Variants in PLCB1 observed in about 807,000 individuals in gnomAD.
PLCB1 encodes the protein phospholipase C beta 1.
PLCB1 carries 46 observed loss-of-function variants against 161.8 expected under a neutral mutation model. The observed-to-expected ratio is 0.28, with a 90% CI of 0.22 to 0.36. The LOEUF (loss-of-function observed/expected upper bound fraction) is 0.36, where lower values mean the gene tolerates loss of function less well. Ranked by LOEUF, PLCB1 falls within the 10% of genes least tolerant of loss-of-function variation. The probability of loss-of-function intolerance (pLI) is 1.00; values close to 1 mark genes in which losing one functional copy is unlikely to be tolerated. For synonymous variants in PLCB1, 517 were observed against 503.7 expected (o/e 1.03, Z -0.35); for missense variants, 1,016 against 1,472.5 (o/e 0.69, Z 5.07).
At position 8,741,450 on chromosome 20, in the gene PLCB1, T is replaced by G. The variant is rs755970261; in HGVS notation, c.2414-14T>G. The G allele has an allele frequency of 1.1e-4, 167 of 1,556,554 alleles. 2 individuals carry two copies. The South Asian group carries it at 1.8e-3, about 17-fold the overall frequency. ...TCCAGGACCTTTGATCTAAAATATC[T>G]CTTCCCTATTTAGATGTCATCGAAG... On this transcript the variant is annotated splice_polypyrimidine_tract_variant and intron_variant, in intron 22 of 31. Coordinates refer to ENST00000338037, the MANE Select transcript of PLCB1 (RefSeq NM_015192.4).
At chr20:8,411,749 C>T (rs979006627) in intron 3 of PLCB1, among the ~76,000 whole-genome samples, 3 of 152,134 alleles carry the variant, frequency 2.0e-5, no homozygotes, top group African/African-American at 7.2e-5. Context: ...CCTGGCCGGG[C>T]ACGGTGGCTC....
At chr20:8,268,595 T>C (rs1982105487) in intron 2 of PLCB1, among the ~76,000 whole-genome samples, 1 of 152,202 alleles carries the variant, frequency 6.6e-6, no homozygotes, top group African/African-American at 2.4e-5. Flanking sequence ...AGTGTAAAAG[T>C]GTTCCTATTT....
chr20:8,371,698 G>A (rs191818678), intron 3 of PLCB1: 166 of 381,110 alleles, frequency 4.4e-4, no homozygotes, highest in African/African-American at 2.9e-3. Flanking sequence ...AAAAGACAAC[G>A]ACAACAATGC....
intron 2 of PLCB1, among the ~76,000 whole-genome samples, chr20:8,273,581 G>A (rs1485000938): frequency 1.3e-5 from 2 of 152,098 alleles, no homozygotes; most frequent in African/African-American, 4.8e-5. Context: ...AATTTCATAA[G>A]CAGGAAACCT....
At chr20:8,717,923 G>T in intron 14 of PLCB1, 75 bp downstream of exon 14, 7 of 1,308,198 alleles carry the variant, frequency 5.4e-6, no homozygotes, top group Non-Finnish European at 7.2e-6. Flanking sequence ...GTGCGTGGTG[G>T]CTCATGCCTG....
intron 3 of PLCB1, among the ~76,000 whole-genome samples, chr20:8,590,458 T>TTTG (rs1317782928): frequency 6.6e-6 from 1 of 152,112 alleles, no homozygotes; most frequent in Non-Finnish European, 1.5e-5. Context: ...GTAGTTTTTT[T>TTTG]TTGTTGTTGT....
At chr20:8,840,032 G>GA (rs35917261) in intron 31 of PLCB1, among the ~76,000 whole-genome samples, 122 of 135,750 alleles carry the variant, frequency 9.0e-4, no homozygotes, top group Middle Eastern at 3.9e-3. Flanking sequence ...CTCTGTCTCA[G>GA]AAAAAAAAAA....
chr20:8,727,902 A>T (rs1323338696), intron 17 of PLCB1, among the ~76,000 whole-genome samples: 26 of 152,196 alleles, frequency 1.7e-4, no homozygotes. Flanking sequence ...GGATTTATTG[A>T]TATTACTGAC....
At chr20:8,815,265 C>A (rs1270459382) in intron 31 of PLCB1, among the ~76,000 whole-genome samples, 1 of 152,158 alleles carries the variant, frequency 6.6e-6, no homozygotes, top group Non-Finnish European at 1.5e-5. Context: ...GCTTTAATTA[C>A]CTCCAGTGTC....
intron 31 of PLCB1, among the ~76,000 whole-genome samples, chr20:8,811,499 C>T (rs1418948621): frequency 6.6e-6 from 1 of 152,114 alleles, no homozygotes; most frequent in Non-Finnish European, 1.5e-5. Flanking sequence ...CAGATCAACC[C>T]CATTGCCAAG....
At chr20:8,592,922 G>A (rs79065745) in intron 3 of PLCB1, among the ~76,000 whole-genome samples, 2 of 152,238 alleles carry the variant, frequency 1.3e-5, no homozygotes, top group East Asian at 3.9e-4. Context: ...AGGGCCCCCT[G>A]AGCAGCTCAT....
At chr20:8,390,871 T>C (rs1987566221) in intron 3 of PLCB1, among the ~76,000 whole-genome samples, 1 of 151,932 alleles carries the variant, frequency 6.6e-6, no homozygotes, top group Non-Finnish European at 1.5e-5. Context: ...AGTTATATCA[T>C]GTCTCTGAGA....
chr20:8,264,665 C>T (rs1981866222), intron 2 of PLCB1, among the ~76,000 whole-genome samples: 1 of 151,998 alleles, frequency 6.6e-6, no homozygotes, highest in Admixed American at 6.6e-5. Context: ...CTTATGGGAC[C>T]ACTATCATAT....
chr20:8,800,934 T>G (rs1251291203), intron 31 of PLCB1, among the ~76,000 whole-genome samples: 2 of 152,146 alleles, frequency 1.3e-5, no homozygotes, highest in Non-Finnish European at 2.9e-5. Context: ...GATTTCTAAG[T>G]AGCCTCCAAA....
chr20:8,586,083 TAATCACA>T (rs1441859754), intron 3 of PLCB1, among the ~76,000 whole-genome samples: 14 of 152,232 alleles, frequency 9.2e-5, no homozygotes, highest in Non-Finnish European at 2.9e-5. Context: ...CCTCCTTGAT[TAATCACA>T]TCAATTAAAC....
At chr20:8,456,417 TGTTA>T (rs1222912839) in intron 3 of PLCB1, among the ~76,000 whole-genome samples, 1 of 152,208 alleles carries the variant, frequency 6.6e-6, no homozygotes, top group African/African-American at 2.4e-5. Context: ...GTGAAATAAT[TGTTA>T]GTTTGTTTAG....
intron 31 of PLCB1, among the ~76,000 whole-genome samples, chr20:8,877,656 T>C (rs1987826774): frequency 6.6e-6 from 1 of 152,212 alleles, no homozygotes; most frequent in African/African-American, 2.4e-5. Flanking sequence ...AGACCACTGA[T>C]GGATGGGGCT....
intron 3 of PLCB1, among the ~76,000 whole-genome samples, chr20:8,501,379 G>A (rs573818085): frequency 6.6e-6 from 1 of 152,332 alleles, no homozygotes; most frequent in African/African-American, 2.4e-5. Flanking sequence ...TGCACCACAC[G>A]CTCTCAGTGT....
chr20:8,646,663 C>G (rs1989179577), intron 5 of PLCB1, among the ~76,000 whole-genome samples: 1 of 151,822 alleles, frequency 6.6e-6, no homozygotes, highest in Admixed American at 6.6e-5. Context: ...GTAGATGATC[C>G]CAGCAAGTAT....
Sources: allele counts gnomAD v4.1 joint callset (sites outside exome capture counted in the v4.1 genomes callset), GRCh38; gene constraint gnomAD v4.1.1; transcripts MANE v1.5; gene names NCBI Gene and HGNC (gene_info 2026-07-23, HGNC 2026-07-21).